Variants in CNTLN observed in about 807,000 individuals in gnomAD.
The protein encoded by CNTLN is centlein.
A neutral mutation model predicts 180.0 loss-of-function variants in CNTLN; 212 were observed. The ratio of observed to expected loss-of-function variants is 1.18; its 90% CI spans 1.05 to 1.32. The LOEUF is 1.32. Among genes scored for constraint, CNTLN ranks in the 40% most tolerant of loss-of-function variants. The pLI, the probability that CNTLN is intolerant of heterozygous loss-of-function variation, is 0.00. For missense variants in CNTLN, 2,095 were observed against 1,610.9 expected, an observed-to-expected ratio of 1.30 and a Z score of -5.14; for synonymous variants, 722 against 563.1, an observed-to-expected ratio of 1.28 and a Z score of -3.99.
intron 2 of CNTLN, among the ~76,000 whole-genome samples, chr9:17,211,755 T>C (rs1823331010): frequency 6.6e-6 from 1 of 152,192 alleles, no homozygotes; most frequent in Non-Finnish European, 1.5e-5. Flanking sequence ...TAGTTCTCCT[T>C]GAAGAGGTCC....
intron 16 of CNTLN, among the ~76,000 whole-genome samples, chr9:17,413,115 G>A (rs533659761): frequency 6.8e-6 from 1 of 146,612 alleles, no homozygotes; most frequent in Non-Finnish European, 1.5e-5. Context: ...ATCTAGAAAT[G>A]GATCCACATA....
intron 15 of CNTLN, among the ~76,000 whole-genome samples, chr9:17,401,817 A>T (rs1034829370): frequency 5.1e-5 from 3 of 58,322 alleles, no homozygotes; most frequent in East Asian, 4.0e-4. Context: ...AAAAGCGTTA[A>T]TAGAACTTTA....
intron 5 of CNTLN, among the ~76,000 whole-genome samples, chr9:17,266,718 G>GCT (rs1827483143): frequency 6.6e-6 from 1 of 152,120 alleles, no homozygotes; most frequent in African/African-American, 2.4e-5. Context: ...GAATCTGGGT[G>GCT]CTCCTGTATT....
chr9:17,323,479 T>C (rs1206144165), intron 8 of CNTLN, among the ~76,000 whole-genome samples: 1 of 152,170 alleles, frequency 6.6e-6, no homozygotes, highest in East Asian at 1.9e-4. Flanking sequence ...CACAAGCTCC[T>C]CCATATGTTC....
chr9:17,517,919 CTG>C, the CNTLN span, among the ~76,000 whole-genome samples: 202 of 151,666 alleles, frequency 1.3e-3, 2 homozygotes, highest in African/African-American at 4.8e-3. Flanking sequence ...CCTTCCGACT[CTG>C]TGCTTCTCAA....
chr9:17,507,707 A>C (rs1192544286), downstream of CNTLN, among the ~76,000 whole-genome samples: 1 of 152,186 alleles, frequency 6.6e-6, no homozygotes, highest in Non-Finnish European at 1.5e-5. Flanking sequence ...TTTTTTAAAA[A>C]AGCTTCGACT....
At chr9:17,328,486 C>G (rs576543000) in intron 8 of CNTLN, among the ~76,000 whole-genome samples, 3 of 152,290 alleles carry the variant, frequency 2.0e-5, no homozygotes, top group South Asian at 2.1e-4. Flanking sequence ...CTCCTTACCA[C>G]TCAGCAGTGG....
chr9:17,177,520 C>G (rs1056011291), intron 2 of CNTLN, among the ~76,000 whole-genome samples: 1 of 152,154 alleles, frequency 6.6e-6, no homozygotes, highest in Non-Finnish European at 1.5e-5. Flanking sequence ...TGGTGAGTGT[C>G]ACAGTTCTTA....
chr9:17,334,788 A>T (rs1049228095), intron 10 of CNTLN, among the ~76,000 whole-genome samples: 2 of 152,132 alleles, frequency 1.3e-5, no homozygotes, highest in African/African-American at 4.8e-5. Context: ...CAAGGGCTAT[A>T]AACCTTCTTA....
intron 8 of CNTLN, among the ~76,000 whole-genome samples, chr9:17,324,414 A>G (rs1183791847): frequency 1.3e-5 from 2 of 152,198 alleles, no homozygotes; most frequent in Admixed American, 6.5e-5. Flanking sequence ...TAGAAAAATC[A>G]GTCTTTTCAT....
At position 17,135,389 on chromosome 9, in the gene CNTLN, G is replaced by T; in HGVS notation, c.324G>T (p.Glu108Asp). The change falls in exon 1 of 26, where the codon GAG becomes GAT. Residue 108 changes from glutamate (E) to aspartate (D), a missense_variant. Coordinates refer to ENST00000380647, the MANE Select transcript of CNTLN (RefSeq NM_017738.4). ...MVTRTQLLEE[E>D]LSSLKEELAL... ...CCCGGACGCAGCTGCTGGAGGAAGAGCTGAGCAGCCTAAAGGAGGAGTTGG... is the reference window on the plus strand; with the variant it reads ...CCCGGACGCAGCTGCTGGAGGAAGATCTGAGCAGCCTAAAGGAGGAGTTGG... 1 of 1,598,484 alleles carries T rather than the reference G, an allele frequency of 6.3e-7. No homozygotes were observed. Among genetic ancestry groups the T allele is most frequent in the Non-Finnish European group, 8.5e-7 (1 of 1,173,634 alleles).
At chr9:17,389,942 T>C (rs1825967639) in intron 14 of CNTLN, among the ~76,000 whole-genome samples, 2 of 152,040 alleles carry the variant, frequency 1.3e-5, no homozygotes, top group African/African-American at 4.8e-5. Flanking sequence ...ACATGACTGG[T>C]GTCTTTATTT....
chr9:17,393,290 G>A (rs1202646858), intron 14 of CNTLN, among the ~76,000 whole-genome samples: 2 of 152,120 alleles, frequency 1.3e-5, no homozygotes, highest in Non-Finnish European at 2.9e-5. Context: ...TATGAATTTT[G>A]TGAGGGACAC....
intron 16 of CNTLN, among the ~76,000 whole-genome samples, chr9:17,412,534 T>C (rs945607265): frequency 1.3e-5 from 2 of 152,176 alleles, no homozygotes; most frequent in African/African-American, 4.8e-5. Flanking sequence ...TGAGTACCCA[T>C]ACAATGGTTT....
chr9:17,429,554 A>C (rs913046230), intron 18 of CNTLN, among the ~76,000 whole-genome samples: 4 of 152,114 alleles, frequency 2.6e-5, no homozygotes, highest in Admixed American at 1.3e-4. Context: ...TGATGCTTTA[A>C]ATTTGCAAAG....
At chr9:17,341,696 A>C (rs1329458973) in intron 11 of CNTLN, among the ~76,000 whole-genome samples, 1 of 152,190 alleles carries the variant, frequency 6.6e-6, no homozygotes. Context: ...ACAAAATAAA[A>C]ATGAAGAATT....
intron 6 of CNTLN, among the ~76,000 whole-genome samples, chr9:17,274,076 T>G (rs907948711): frequency 6.6e-6 from 1 of 152,102 alleles, no homozygotes; most frequent in Non-Finnish European, 1.5e-5. Context: ...ACGAGCATGG[T>G]CAAGGGGTAC....
At chr9:17,342,041 G>C (rs922329981) in intron 11 of CNTLN, among the ~76,000 whole-genome samples, 2 of 152,088 alleles carry the variant, frequency 1.3e-5, no homozygotes, top group African/African-American at 4.8e-5. Flanking sequence ...AAATTCTACA[G>C]TGTCTGTTTT....
At chr9:17,417,540 A>T (rs1489724682) in intron 18 of CNTLN, among the ~76,000 whole-genome samples, 1 of 152,072 alleles carries the variant, frequency 6.6e-6, no homozygotes, top group Non-Finnish European at 1.5e-5. Context: ...TAAATAATTT[A>T]CTAGACCACT....
Sources: gnomAD v4.1 joint callset for allele counts (sites outside exome capture counted in the v4.1 genomes callset) on GRCh38, gnomAD v4.1.1 for gene constraint, MANE v1.5 for transcripts, NCBI Gene and HGNC (gene_info 2026-07-23, HGNC 2026-07-21) for gene names.